GLIS3: variants seen among roughly 807,000 people sequenced by gnomAD.
GLIS3 encodes the protein GLIS family zinc finger 3, also known as zinc finger protein GLIS3.
In GLIS3, 53 loss-of-function variants were observed where a neutral mutation model predicts 78.6. That is an observed-to-expected ratio of 0.67 (90% CI 0.54 to 0.85). The LOEUF is 0.85. Ranked by LOEUF, GLIS3 falls within the 40% of genes least tolerant of loss-of-function variation. The pLI is 0.00. For missense variants in GLIS3, 1,703 were observed against 1,231.1 expected (o/e 1.38, Z -5.74); for synonymous variants, 684 against 509.9 (o/e 1.34, Z -4.60).
At chr9:4,114,122 A>G (rs1470355147) in intron 4 of GLIS3, among the ~76,000 whole-genome samples, 1 of 152,178 alleles carries the variant, frequency 6.6e-6, no homozygotes, top group Non-Finnish European at 1.5e-5. Flanking sequence ...TCCTAGCAAC[A>G]GAACCCTGGG....
At chr9:4,183,118 T>A (rs1198461566) in intron 2 of GLIS3, among the ~76,000 whole-genome samples, 1 of 152,222 alleles carries the variant, frequency 6.6e-6, no homozygotes, top group Admixed American at 6.5e-5. Flanking sequence ...AAGACAGCTA[T>A]CTTTGGGTTG....
chr9:4,435,235 G>A, the GLIS3 span, among the ~76,000 whole-genome samples: 15 of 151,934 alleles, frequency 9.9e-5, no homozygotes, highest in African/African-American at 3.6e-4. Flanking sequence ...TCTCCTTTTC[G>A]CACTCCCCAA....
intron 2 of GLIS3, among the ~76,000 whole-genome samples, chr9:4,319,731 T>C (rs1421632079): frequency 6.6e-6 from 1 of 152,178 alleles, no homozygotes; most frequent in Non-Finnish European, 1.5e-5. Context: ...GGTCTCACTA[T>C]GTTGCCCAGG....
At chr9:4,169,727 G>T (rs80088155) in intron 2 of GLIS3, among the ~76,000 whole-genome samples, 4,789 of 152,060 alleles carry the variant, frequency 0.031, 87 homozygotes, top group Middle Eastern at 0.092. Flanking sequence ...TACTCAAATC[G>T]TTCAGGAAAA....
rs778772582 is a variant in GLIS3 at position 4,220,984 on chromosome 9, CTAAT to C, written c.388+65050_388+65053del. On this transcript the variant is annotated intron_variant, in intron 2 of 10. Coordinates refer to ENST00000381971, the MANE Select transcript of GLIS3 (RefSeq NM_001042413.2). Reference sequence around the variant, plus strand: ...TGGGTTACACAGCAAGACCCTGTCTCTAATTAATTAATTAATTAATAAGTGTTTC... The same window carrying C: ...TGGGTTACACAGCAAGACCCTGTCTCTAATTAATTAATTAATAAGTGTTTC... Among the ~76,000 whole-genome samples the C allele has an allele frequency of 9.9e-5, 15 of 152,078 alleles. No individual in the cohort carries two copies. The South Asian group carries it at 3.1e-3, about 32-fold the overall frequency.
chr9:4,430,983 G>C, the GLIS3 span, among the ~76,000 whole-genome samples: 1 of 152,052 alleles, frequency 6.6e-6, no homozygotes, highest in African/African-American at 2.4e-5. Context: ...TCTAACTCTG[G>C]AAGATCCTGG....
chr9:3,984,895 G>C (rs535652689), intron 4 of GLIS3, among the ~76,000 whole-genome samples: 2 of 152,272 alleles, frequency 1.3e-5, no homozygotes, highest in South Asian at 4.1e-4. Flanking sequence ...CAAAGTGGGA[G>C]TTTCTCTGTA....
chr9:4,077,461 A>G (rs1828176032), intron 4 of GLIS3, among the ~76,000 whole-genome samples: 1 of 152,210 alleles, frequency 6.6e-6, no homozygotes, highest in Admixed American at 6.5e-5. Flanking sequence ...AAACTTAGAA[A>G]GGAAAGATAC....
At chr9:4,463,887 G>C in the GLIS3 span, among the ~76,000 whole-genome samples, 1 of 152,208 alleles carries the variant, frequency 6.6e-6, no homozygotes. Context: ...TGTACGTGTG[G>C]TATAGGTCAA....
At chr9:4,134,686 G>A (rs1020948666) in intron 2 of GLIS3, among the ~76,000 whole-genome samples, 10 of 152,206 alleles carry the variant, frequency 6.6e-5, no homozygotes, top group African/African-American at 2.4e-4. Flanking sequence ...CCATAATGGG[G>A]AGAATGATTA....
At chr9:4,474,649 A>ATT in the GLIS3 span, among the ~76,000 whole-genome samples, 4 of 150,946 alleles carry the variant, frequency 2.6e-5, no homozygotes, top group Non-Finnish European at 5.9e-5. Flanking sequence ...GCAAATATTT[A>ATT]TTTTTTTTAT....
rs1288183065 is a variant in GLIS3 at position 3,828,200 on chromosome 9, G to C, written c.*72C>G. The C allele has an allele frequency of 7.0e-6, 11 of 1,571,060 alleles. No homozygotes were observed. The highest frequency in any genetic ancestry group is 1.7e-5 in the Admixed American group (1 of 59,914). ...GCTGACATCCTTCCTCAAGCAGTCT[G>C]TGAGAGTACGAAAACAAAAGGTGGC... On this transcript the variant is annotated 3_prime_UTR_variant, in exon 11 of 11. Coordinates refer to ENST00000381971, the MANE Select transcript of GLIS3 (RefSeq NM_001042413.2).
At chr9:4,431,215 G>A in the GLIS3 span, among the ~76,000 whole-genome samples, 1 of 152,130 alleles carries the variant, frequency 6.6e-6, no homozygotes, top group Non-Finnish European at 1.5e-5. Flanking sequence ...AATTTTAAAA[G>A]GCCTTTGATG....
chr9:3,904,054 C>A (rs1218136012), intron 6 of GLIS3, among the ~76,000 whole-genome samples: 2 of 152,184 alleles, frequency 1.3e-5, no homozygotes, highest in Non-Finnish European at 2.9e-5. Context: ...TAAATATCCA[C>A]AGTCTCATAG....
chr9:3,939,128 G>A (rs753620253), intron 4 of GLIS3, among the ~76,000 whole-genome samples: 1 of 152,132 alleles, frequency 6.6e-6, no homozygotes, highest in African/African-American at 2.4e-5. Flanking sequence ...GCCAGCTCCC[G>A]GGGCACATAC....
chr9:3,986,569 G>A (rs1022184506), intron 4 of GLIS3, among the ~76,000 whole-genome samples: 1 of 152,222 alleles, frequency 6.6e-6, no homozygotes, highest in Non-Finnish European at 1.5e-5. Flanking sequence ...CAGAGGCACA[G>A]GACTGGGCTC....
intron 4 of GLIS3, among the ~76,000 whole-genome samples, chr9:4,076,453 C>G (rs1389002355): frequency 1.3e-5 from 2 of 152,070 alleles, no homozygotes; most frequent in Non-Finnish European, 2.9e-5. Context: ...AAGTTTTGTT[C>G]TGAGTACCAC....
intron 2 of GLIS3, among the ~76,000 whole-genome samples, chr9:4,311,983 ATGG>A (rs1406996410): frequency 6.6e-6 from 1 of 152,170 alleles, no homozygotes; most frequent in Non-Finnish European, 1.5e-5. Flanking sequence ...GGTCCACCCA[ATGG>A]TGGAGAGTGG....
intron 4 of GLIS3, among the ~76,000 whole-genome samples, chr9:4,066,463 C>G (rs1827106129): frequency 1.3e-5 from 2 of 152,170 alleles, no homozygotes; most frequent in South Asian, 2.1e-4. Flanking sequence ...AACTTACCAG[C>G]CCAGAGGAGA....
Sources: gnomAD v4.1 joint callset for allele counts (sites outside exome capture counted in the v4.1 genomes callset) on GRCh38, gnomAD v4.1.1 for gene constraint, MANE v1.5 for transcripts, NCBI Gene and HGNC (gene_info 2026-07-23, HGNC 2026-07-21) for gene names.